Variants in MVB12B observed in about 807,000 individuals in gnomAD.
MVB12B encodes multivesicular body subunit 12B, also known as ESCRT-I complex subunit MVB12B.
MVB12B carries 16 observed loss-of-function variants against 41.6 expected under a neutral mutation model. The ratio of observed to expected loss-of-function variants is 0.38; its 90% CI spans 0.26 to 0.58. MVB12B has a LOEUF of 0.58. Among genes scored for constraint, MVB12B ranks in the 20% least tolerant of loss-of-function variants. The pLI, the probability that MVB12B is intolerant of heterozygous loss-of-function variation, is 0.62. For synonymous variants in MVB12B, 133 were observed against 139.7 expected (o/e 0.95, Z 0.34); for missense variants, 274 against 380.2 (o/e 0.72, Z 2.32).
chr9:126,444,502 C>G (rs1221684879), intron 7 of MVB12B, among the ~76,000 whole-genome samples: 1 of 152,148 alleles, frequency 6.6e-6, no homozygotes, highest in Admixed American at 6.5e-5. Context: ...CTTTGCCTGT[C>G]TGTCCGCAGC....
At chr9:126,409,627 TC>T (rs1387714277) in intron 6 of MVB12B, among the ~76,000 whole-genome samples, 1 of 152,122 alleles carries the variant, frequency 6.6e-6, no homozygotes, top group East Asian at 1.9e-4. Context: ...ACCACGTGGC[TC>T]CCGCCTGCTG....
intron 2 of MVB12B, among the ~76,000 whole-genome samples, chr9:126,349,870 C>G (rs1413080660): frequency 6.6e-6 from 1 of 152,134 alleles, no homozygotes; most frequent in African/African-American, 2.4e-5. Flanking sequence ...GGATAAATAT[C>G]CAGGAATGCA....
chr9:126,413,564 G>T (rs2119065096), intron 6 of MVB12B, among the ~76,000 whole-genome samples: 1 of 152,264 alleles, frequency 6.6e-6, no homozygotes, highest in Middle Eastern at 3.4e-3. Context: ...TATTAAATTT[G>T]AATCATCTGG....
intron 2 of MVB12B, among the ~76,000 whole-genome samples, chr9:126,348,013 G>A (rs998459609): frequency 2.0e-5 from 3 of 152,222 alleles, no homozygotes; most frequent in African/African-American, 7.2e-5. Flanking sequence ...AACAAGGGCA[G>A]CAGCTTGTTC....
chr9:126,468,833 A>T lies in MVB12B; in HGVS notation c.758-12536A>T, dbSNP rs899893994. Among the ~76,000 whole-genome samples, 1 of 152,204 alleles carries T rather than the reference A, an allele frequency of 6.6e-6. No individual in the cohort carries two copies. Among genetic ancestry groups the T allele is most frequent in the Admixed American group, 6.5e-5 (1 of 15,282 alleles). On this transcript the variant is annotated intron_variant, in intron 7 of 9. Transcript: ENST00000361171. The surrounding 1 kb of genome is among the most constrained non-coding windows in gnomAD (Gnocchi z 4.3). ...GTCCTTCAGTCTGCTGAGAATGGCC[A>T]TCAGGACTCCTGGCAGGCTGGTTCT...
chr9:126,400,023 C>T (rs529709981), intron 6 of MVB12B, among the ~76,000 whole-genome samples: 7 of 152,118 alleles, frequency 4.6e-5, no homozygotes, highest in African/African-American at 1.4e-4. Context: ...GGGGTCGGAG[C>T]GTGGGTGTGT....
chr9:126,438,843 A>G (rs934325354), intron 7 of MVB12B, among the ~76,000 whole-genome samples: 7 of 152,198 alleles, frequency 4.6e-5, no homozygotes, highest in Admixed American at 4.6e-4. Flanking sequence ...AAAAGAGCCC[A>G]TCACATATTA....
chr9:126,364,186 G>C (rs1830100717), intron 2 of MVB12B, among the ~76,000 whole-genome samples: 1 of 152,200 alleles, frequency 6.6e-6, no homozygotes, highest in African/African-American at 2.4e-5. Flanking sequence ...TGCAATTACA[G>C]CTGGCAATGT....
At chr9:126,377,398 A>G (rs1830511791) in intron 2 of MVB12B, among the ~76,000 whole-genome samples, 1 of 152,210 alleles carries the variant, frequency 6.6e-6, no homozygotes, top group African/African-American at 2.4e-5. Flanking sequence ...CAAACACACA[A>G]GAGAACCAAA....
In MVB12B at chr9:126,392,146, C is replaced by T. The variant is rs868665716; in HGVS notation, c.490C>T (p.Arg164Trp). 4 of 1,614,146 alleles carry T rather than the reference C, an allele frequency of 2.5e-6. No individual in the cohort carries two copies. The highest frequency in any genetic ancestry group is 1.3e-5 in the African/African-American group (1 of 75,034). Residue 164 changes from arginine to tryptophan, a missense_variant, in exon 5 of 10, where the codon CGG becomes TGG. Transcript: ENST00000361171. This position sits in a 1 kb window ranked among gnomAD's most constrained non-coding sequence, Gnocchi z 4.8. ...DSTEAAICDIRIMGRTKQAPP... is the reference protein window; with the variant it reads ...DSTEAAICDIWIMGRTKQAPP... ...AACGGAAGCTGCGATTTGTGACATT[C>T]GGATCATGGGCCGGACCAAGCAGGC...
rs942722473 is a variant in MVB12B at position 126,468,043 on chromosome 9, A to G, written c.758-13326A>G. Among the ~76,000 whole-genome samples, 1 of 152,256 alleles carries G rather than the reference A, an allele frequency of 6.6e-6. No individual in the cohort carries two copies. Among genetic ancestry groups the G allele is most frequent in the Non-Finnish European group, 1.5e-5 (1 of 68,034 alleles). ...ATGTGCGCTTATGTATCTGTCTACA[A>G]CTACATATTAAAACCGACTTTATAA... On this transcript the variant is annotated intron_variant, in intron 7 of 9. Coordinates refer to ENST00000361171, the MANE Select transcript of MVB12B (RefSeq NM_033446.3). This position sits in a 1 kb window ranked among gnomAD's most constrained non-coding sequence, Gnocchi z 4.3.
intron 9 of MVB12B, among the ~76,000 whole-genome samples, chr9:126,490,620 T>C (rs570417678): frequency 1.2e-4 from 18 of 152,338 alleles, no homozygotes; most frequent in Admixed American, 2.0e-4. Flanking sequence ...CATTCGACTT[T>C]AAAGCCGAAA....
intron 6 of MVB12B, among the ~76,000 whole-genome samples, chr9:126,403,445 CCTT>C (rs1395269759): frequency 6.6e-6 from 1 of 152,216 alleles, no homozygotes; most frequent in Admixed American, 6.5e-5. Flanking sequence ...GCGTCGTTTT[CCTT>C]CTTCTCCTCC....
At chr9:126,457,827 G>A (rs1833013520) in intron 7 of MVB12B, among the ~76,000 whole-genome samples, 1 of 152,102 alleles carries the variant, frequency 6.6e-6, no homozygotes, top group Admixed American at 6.6e-5. Flanking sequence ...TGAACCTTAG[G>A]CACAAATGAA....
chr9:126,434,026 G>T (rs1185496583), intron 7 of MVB12B, among the ~76,000 whole-genome samples: 1 of 152,160 alleles, frequency 6.6e-6, no homozygotes, highest in African/African-American at 2.4e-5. Flanking sequence ...TACACAGTAT[G>T]AGGGTCCCCC....
chr9:126,341,331 C>T (rs761162340), intron 2 of MVB12B, among the ~76,000 whole-genome samples: 2 of 152,170 alleles, frequency 1.3e-5, no homozygotes, highest in Non-Finnish European at 2.9e-5. Flanking sequence ...AATTCTGATT[C>T]GGGTGGAGCT....
intron 6 of MVB12B, among the ~76,000 whole-genome samples, chr9:126,413,646 C>T (rs1200662046): frequency 1.3e-5 from 2 of 152,176 alleles, no homozygotes; most frequent in Non-Finnish European, 2.9e-5. Context: ...GCACAAAAGA[C>T]AACTTGAAGT....
intron 2 of MVB12B, among the ~76,000 whole-genome samples, chr9:126,355,227 C>T (rs1377500645): frequency 6.6e-6 from 1 of 152,194 alleles, no homozygotes; most frequent in Non-Finnish European, 1.5e-5. Context: ...TTATTACCAC[C>T]TCCTTCTGAC....
At chr9:126,364,688 A>G (rs1397613147) in intron 2 of MVB12B, among the ~76,000 whole-genome samples, 1 of 152,162 alleles carries the variant, frequency 6.6e-6, no homozygotes, top group African/African-American at 2.4e-5. Context: ...TTAGGTTTGG[A>G]CCCACCTTGA....
Sources: allele counts gnomAD v4.1 joint callset (sites outside exome capture counted in the v4.1 genomes callset), GRCh38; gene constraint gnomAD v4.1.1; non-coding constraint Gnocchi (gnomAD v3.1); transcripts MANE v1.5; gene names NCBI Gene and HGNC (gene_info 2026-07-23, HGNC 2026-07-21).